NCALD: variants seen among roughly 807,000 people sequenced by gnomAD.
The protein encoded by NCALD is neurocalcin delta, also known as neurocalcin-delta.
NCALD carries 10 observed loss-of-function variants against 18.6 expected under a neutral mutation model. That is an observed-to-expected ratio of 0.54 (90% CI 0.33 to 0.91). The LOEUF (loss-of-function observed/expected upper bound fraction) is 0.91. Among genes scored for constraint, NCALD ranks in the 40% least tolerant of loss-of-function variants. NCALD has a pLI of 0.03. For missense variants in NCALD, 184 were observed against 247.6 expected (o/e 0.74, Z 1.72); for synonymous variants, 88 against 87.4 (o/e 1.01, Z -0.04).
At chr8:102,025,301 G>A (rs1294173903) in intron 1 of NCALD, among the ~76,000 whole-genome samples, 1 of 152,160 alleles carries the variant, frequency 6.6e-6, no homozygotes, top group Non-Finnish European at 1.5e-5. Context: ...AGGAAATTTG[G>A]TCTTTGCTAC....
chr8:102,122,401 G>C (rs1321740601), intron 1 of NCALD, among the ~76,000 whole-genome samples: 1 of 152,150 alleles, frequency 6.6e-6, no homozygotes, highest in African/African-American at 2.4e-5. Flanking sequence ...TTTTGTTTTT[G>C]GAATGAGTGT....
At chr8:101,858,104 C>A (rs1398877055) in intron 4 of NCALD, among the ~76,000 whole-genome samples, 1 of 152,036 alleles carries the variant, frequency 6.6e-6, no homozygotes, top group Non-Finnish European at 1.5e-5. Flanking sequence ...TAAATAAACT[C>A]ATTGGTATTG....
intron 1 of NCALD, among the ~76,000 whole-genome samples, chr8:101,773,527 T>C (rs1293477513): frequency 6.6e-6 from 1 of 152,128 alleles, no homozygotes; most frequent in Non-Finnish European, 1.5e-5. Flanking sequence ...ATTTAGAATT[T>C]TGCCAGGACC....
intron 3 of NCALD, chr8:101,915,519 T>C (rs1456758696): frequency 6.6e-6 from 1 of 152,224 alleles, no homozygotes; most frequent in East Asian, 1.9e-4. Flanking sequence ...GGGATGAAGA[T>C]GTCATATAAA....
At chr8:102,005,470 G>A (rs1387698905) in intron 2 of NCALD, among the ~76,000 whole-genome samples, 5 of 152,248 alleles carry the variant, frequency 3.3e-5, no homozygotes, top group African/African-American at 9.6e-5. Flanking sequence ...TCAGTGTGGT[G>A]ATTCCTCAGG....
chr8:102,074,893 G>A (rs1055552017), intron 1 of NCALD, among the ~76,000 whole-genome samples: 3 of 152,152 alleles, frequency 2.0e-5, no homozygotes, highest in African/African-American at 7.2e-5. Flanking sequence ...GGGCCATTAT[G>A]ATTCCATTCA....
chr8:101,761,879 T>C (rs928900724), intron 1 of NCALD, among the ~76,000 whole-genome samples: 2 of 152,188 alleles, frequency 1.3e-5, no homozygotes, highest in Admixed American at 6.5e-5. Flanking sequence ...CTTACTCACT[T>C]TTTCTCTTCC....
At chr8:102,048,713 T>C (rs75877186) in intron 1 of NCALD, among the ~76,000 whole-genome samples, 4,219 of 152,334 alleles carry the variant, frequency 0.028, 203 homozygotes, top group African/African-American at 0.093. Context: ...TGCCTCCTTA[T>C]GTACTTTCTT....
At chr8:101,720,561 T>C (rs1294869471) in intron 1 of NCALD, among the ~76,000 whole-genome samples, 1 of 152,188 alleles carries the variant, frequency 6.6e-6, no homozygotes, top group Non-Finnish European at 1.5e-5. Context: ...ATAACAAGAA[T>C]GCACACCTTT....
intron 1 of NCALD, among the ~76,000 whole-genome samples, chr8:101,753,903 A>T (rs190275738): frequency 1.8e-4 from 27 of 152,336 alleles, no homozygotes; most frequent in Admixed American, 3.3e-4. Flanking sequence ...GTTCTGTGAG[A>T]TAACATATGA....
intron 1 of NCALD, among the ~76,000 whole-genome samples, chr8:102,079,703 C>G (rs577817569): frequency 8.5e-5 from 13 of 152,230 alleles, no homozygotes; most frequent in African/African-American, 3.1e-4. Flanking sequence ...TTTTAACAGT[C>G]CTTTTCTCAC....
At position 101,882,493 on chromosome 8, in the gene NCALD, A is replaced by T. The variant is rs1041406673; in HGVS notation, c.-20+4648T>A. Among the ~76,000 whole-genome samples the T allele has an allele frequency of 3.3e-5, 5 of 152,178 alleles. No homozygotes were observed. The South Asian group carries it at 8.3e-4, about 25-fold the overall frequency. On this transcript the variant is annotated intron_variant, in intron 4 of 6. Transcript: ENST00000311028. ...CAGCACCTTAATCTTGGACTTCCCG[A>T]CCTCAAGAACTGTAGGAAATAAATT...
upstream of NCALD, among the ~76,000 whole-genome samples, chr8:101,794,247 T>G (rs1335659085): frequency 6.6e-6 from 1 of 152,224 alleles, no homozygotes; most frequent in Admixed American, 6.5e-5. Context: ...GGATGAAATC[T>G]TATTCATCTG....
chr8:101,706,350 G>A (rs1386812756), intron 2 of NCALD, among the ~76,000 whole-genome samples: 1 of 151,834 alleles, frequency 6.6e-6, no homozygotes, highest in Non-Finnish European at 1.5e-5. Context: ...GGGAGGTTTG[G>A]GCAATGATGA....
In NCALD at chr8:101,941,211, T is replaced by C. The variant is rs116474490; in HGVS notation, c.-156-25353A>G. ...TGTTTCCTGGAAGACAATTTTTCCA[T>C]GGACCAGGGTGGGAGGACATGGTTT... On this transcript the variant is annotated intron_variant, in intron 2 of 6. Transcript: ENST00000311028. Among the ~76,000 whole-genome samples the C allele has an allele frequency of 9.4e-3, 1,437 of 152,330 alleles. 36 individuals carry two copies. The highest frequency in any genetic ancestry group is 0.032 in the African/African-American group (1,330 of 41,574).
At chr8:101,749,151 C>G (rs775987207) in intron 1 of NCALD, among the ~76,000 whole-genome samples, 3 of 152,208 alleles carry the variant, frequency 2.0e-5, no homozygotes, top group Admixed American at 6.5e-5. Context: ...CAGGGTTCCA[C>G]AGTGGATTAG....
chr8:101,985,257 T>C (rs1820764850), intron 2 of NCALD, among the ~76,000 whole-genome samples: 1 of 152,050 alleles, frequency 6.6e-6, no homozygotes, highest in Non-Finnish European at 1.5e-5. Context: ...CTGCCAGTCA[T>C]GTGAGTGAGC....
chr8:101,793,874 T>A (rs1194642400), upstream of NCALD, among the ~76,000 whole-genome samples: 1 of 152,212 alleles, frequency 6.6e-6, no homozygotes, highest in Non-Finnish European at 1.5e-5. Context: ...AAACAAGCAG[T>A]CTGACCTGGG....
At chr8:102,112,949 G>T (rs560625712) in intron 1 of NCALD, among the ~76,000 whole-genome samples, 1 of 152,178 alleles carries the variant, frequency 6.6e-6, no homozygotes, top group East Asian at 1.9e-4. Flanking sequence ...GCCCAATCTT[G>T]AATTTTTACA....
Sources: gnomAD v4.1 joint callset for allele counts (sites outside exome capture counted in the v4.1 genomes callset) on GRCh38, gnomAD v4.1.1 for gene constraint, MANE v1.5 for transcripts, NCBI Gene and HGNC (gene_info 2026-07-23, HGNC 2026-07-21) for gene names.